Variants in BICDL1 observed in about 807,000 individuals in gnomAD.
BICDL1 encodes BICD family-like cargo adapter 1.
A neutral mutation model predicts 76.8 loss-of-function variants in BICDL1; 20 were observed. The observed-to-expected ratio is 0.26, with a 90% confidence interval of 0.18 to 0.38. The LOEUF (loss-of-function observed/expected upper bound fraction) is 0.38, where lower values mean the gene tolerates loss of function less well. Among genes scored for constraint, BICDL1 ranks in the 10% least tolerant of loss-of-function variants. The probability of loss-of-function intolerance (pLI) is 1.00; values close to 1 mark genes in which losing one functional copy is unlikely to be tolerated. For synonymous variants in BICDL1, 383 were observed against 337.1 expected, an observed-to-expected ratio of 1.14 and a Z score of -1.49; for missense variants, 700 against 798.6, an observed-to-expected ratio of 0.88 and a Z score of 1.49.
chr12:119,997,361 A>G (rs540699962), intron 1 of BICDL1, among the ~76,000 whole-genome samples: 21 of 152,316 alleles, frequency 1.4e-4, no homozygotes, highest in African/African-American at 4.8e-4. Context: ...TTGTTTTATC[A>G]GTCTCCTCCA....
rs140525253 is a variant in BICDL1, at chr12:120,052,993, T to C, written c.646-8717T>C. Among the ~76,000 whole-genome samples, 895 of 152,310 alleles carry C rather than the reference T, an allele frequency of 5.9e-3. 9 individuals carry two copies. Among genetic ancestry groups the C allele is most frequent in the African/African-American group, 0.02 (818 of 41,570 alleles). On this transcript the variant is annotated intron_variant, in intron 2 of 9. Transcript: ENST00000548673. ...TGGGGTTTCACCATGTTGGCCAGGC[T>C]GGTCTCAAACTCCTGACCGCAAATG...
intron 2 of BICDL1, among the ~76,000 whole-genome samples, chr12:120,038,524 C>G (rs1163668850): frequency 6.6e-6 from 1 of 152,000 alleles, no homozygotes; most frequent in Non-Finnish European, 1.5e-5. Flanking sequence ...TAAAAAGTCT[C>G]TCCCATCCCA....
chr12:120,057,016 G>T (rs992379997), intron 2 of BICDL1: 2 of 506,516 alleles, frequency 3.9e-6, no homozygotes, highest in Non-Finnish European at 7.9e-6. Flanking sequence ...CGCCCACGCA[G>T]GTGGGAATGG....
At chr12:120,031,430 T>C (rs1229138541) in intron 2 of BICDL1, among the ~76,000 whole-genome samples, 1 of 152,112 alleles carries the variant, frequency 6.6e-6, no homozygotes, top group African/African-American at 2.4e-5. Flanking sequence ...GGTCTCCATC[T>C]CCTGACCTCG....
At chr12:120,002,040 A>C (rs143134664) in intron 2 of BICDL1, among the ~76,000 whole-genome samples, 407 of 152,288 alleles carry the variant, frequency 2.7e-3, no homozygotes, top group African/African-American at 9.4e-3. Context: ...TCTTAAAAAA[A>C]AATTTTTTTA....
intron 8 of BICDL1, among the ~76,000 whole-genome samples, chr12:120,085,991 C>A (rs1874381954): frequency 7.5e-6 from 1 of 133,302 alleles, no homozygotes; most frequent in African/African-American, 3.4e-5. Context: ...TCCAGTCTTT[C>A]TCCCTTTAAA....
intron 2 of BICDL1, among the ~76,000 whole-genome samples, chr12:120,003,169 A>AC (rs1594100232): frequency 6.6e-6 from 1 of 151,554 alleles, no homozygotes; most frequent in Non-Finnish European, 1.5e-5. Context: ...AAAAAAAAAA[A>AC]AAAAAAACAG....
At chr12:120,083,699 G>A (rs149324711) in intron 8 of BICDL1, among the ~76,000 whole-genome samples, 18,875 of 150,620 alleles carry the variant, frequency 0.13, 1,500 homozygotes, top group East Asian at 0.4. Flanking sequence ...TTGCTCTGTT[G>A]CCTAGGCTGG....
intron 2 of BICDL1, among the ~76,000 whole-genome samples, chr12:120,057,818 C>CCTTTTTTT (rs1953008680): frequency 1.3e-5 from 1 of 78,324 alleles, no homozygotes; most frequent in African/African-American, 6.4e-5. Flanking sequence ...GCGATTCCTG[C>CCTTTTTTT]TTTTTTTTTT....
intron 9 of BICDL1, chr12:120,092,012 G>C: frequency 1.0e-6 from 1 of 985,402 alleles, no homozygotes; most frequent in Non-Finnish European, 1.2e-6. Flanking sequence ...CCAGGATGCC[G>C]CAGAGCCTGC....
In BICDL1 at chr12:120,072,492, G is replaced by A; in HGVS notation, c.1090-19G>A. The A allele has an allele frequency of 6.2e-7, 1 of 1,612,770 alleles. No homozygotes were observed. Among genetic ancestry groups the A allele is most frequent in the Non-Finnish European group, 8.5e-7 (1 of 1,178,788 alleles). On this transcript the variant is annotated intron_variant, in intron 5 of 9. Coordinates refer to ENST00000548673, the MANE Select transcript of BICDL1 (RefSeq NM_001367886.1). Reference sequence around the variant, plus strand: ...TCTTCTCTAGAGTCTGAAATGAATAGTAATTCTCTGTGGAACAGCTGAGAC... The same window carrying A: ...TCTTCTCTAGAGTCTGAAATGAATAATAATTCTCTGTGGAACAGCTGAGAC...
Position 119,990,024 on chromosome 12 carries a change from A to G in BICDL1, c.156A>G (p.Leu52=), listed in dbSNP as rs1242186917. 1.1e-5 allele frequency: 17 copies of G among 1,510,286 alleles called. No homozygotes were observed. Among genetic ancestry groups the G allele is most frequent in the Non-Finnish European group, 1.4e-5 (16 of 1,138,168 alleles). 93.6% of individuals were successfully genotyped at this position (1,510,286 alleles called of 1,614,324 possible). A position where few individuals can be genotyped will look rare whatever the true frequency, so the allele number is the denominator to read the frequency against. ...TCTTCCCCGGGGGCTCCGGGGAGCT[A>G]GAACTGGCGTTAGAGGAGGAGCTGG... The part of the protein sequence containing the change: ...ALIFPGGSGE[L]ELALEEELAL... The change falls in exon 1 of 10, where the codon CTA becomes CTG. Residue 52 remains leucine (L), a synonymous_variant. Transcript: ENST00000548673.
chr12:120,090,307 C>G, intron 9 of BICDL1: 1 of 463,696 alleles, frequency 2.2e-6, no homozygotes, highest in Non-Finnish European at 3.8e-6. Context: ...ATGTAGTGAT[C>G]TCCAGACTTG....
chr12:120,084,256 C>A (rs1290821982), intron 8 of BICDL1, among the ~76,000 whole-genome samples: 1 of 152,202 alleles, frequency 6.6e-6, no homozygotes, highest in Non-Finnish European at 1.5e-5. Context: ...CCCGCCCTGG[C>A]CTCCCAAAGT....
chr12:120,033,136 A>G (rs1276882314), intron 2 of BICDL1, among the ~76,000 whole-genome samples: 2 of 152,044 alleles, frequency 1.3e-5, no homozygotes, highest in Non-Finnish European at 2.9e-5. Flanking sequence ...TTTCCGCTTC[A>G]GTAATTTTTT....
intron 1 of BICDL1, among the ~76,000 whole-genome samples, chr12:119,997,371 A>G (rs560924844): frequency 3.3e-4 from 50 of 152,264 alleles, no homozygotes; most frequent in African/African-American, 1.2e-3. Flanking sequence ...AGTCTCCTCC[A>G]CTAGAATGAA....
In BICDL1 at chr12:120,054,552, T is replaced by TA. The variant is rs577097695; in HGVS notation, c.646-7157dup. Among the ~76,000 whole-genome samples, 218 of 152,188 alleles carry TA rather than the reference T, an allele frequency of 1.4e-3. 4 individuals carry two copies. The Middle Eastern group carries it at 0.037, about 26-fold the overall frequency. On this transcript the variant is annotated intron_variant, in intron 2 of 9. Transcript: ENST00000548673. ...AATAATAAGGGAATGGTAAAGGAAA[T>TA]ACTTGATGGAATATTACAGTCATAT...
rs144799724 is a variant in BICDL1, at chr12:119,995,062, A to G, written c.430-3459A>G. Among the ~76,000 whole-genome samples the G allele has an allele frequency of 2.5e-3, 387 of 152,230 alleles. 1 individual carries two copies. Among genetic ancestry groups the G allele is most frequent in the African/African-American group, 9.0e-3 (374 of 41,532 alleles). On this transcript the variant is annotated intron_variant, in intron 1 of 9. Transcript: ENST00000548673. Reference sequence around the variant, plus strand: ...TCACTTTAGGCTCCTCTTAGCTGTGACTGGCAGTTTCTTAACCTTATTTTT... The same window carrying G: ...TCACTTTAGGCTCCTCTTAGCTGTGGCTGGCAGTTTCTTAACCTTATTTTT...
intron 1 of BICDL1, among the ~76,000 whole-genome samples, chr12:119,997,168 G>T (rs183529103): frequency 8.5e-5 from 13 of 152,194 alleles, no homozygotes; most frequent in Admixed American, 5.2e-4. Flanking sequence ...GGATGGTCTC[G>T]ATCTCCTGAC....
Sources: gnomAD v4.1 joint callset for allele counts (sites outside exome capture counted in the v4.1 genomes callset) on GRCh38, gnomAD v4.1.1 for gene constraint, MANE v1.5 for transcripts, NCBI Gene and HGNC (gene_info 2026-07-23, HGNC 2026-07-21) for gene names.